Variants in SIPA1L2 observed in about 807,000 individuals in gnomAD.
The protein encoded by SIPA1L2 is signal-induced proliferation-associated 1-like protein 2.
Under a neutral mutation model 163.9 loss-of-function variants are expected in SIPA1L2, and 56 were observed. That is an observed-to-expected ratio of 0.34 (90% confidence interval 0.28 to 0.43). The LOEUF (loss-of-function observed/expected upper bound fraction) is 0.43. Ranked by LOEUF, SIPA1L2 falls within the 20% of genes least tolerant of loss-of-function variation. The pLI, the probability that SIPA1L2 is intolerant of heterozygous loss-of-function variation, is 1.00. For missense variants in SIPA1L2, 1,974 were observed against 2,193.5 expected (o/e 0.90, Z 2.00); for synonymous variants, 877 against 865.7 (o/e 1.01, Z -0.23).
At chr1:232,483,756 A>C in intron 6 of SIPA1L2, 36 bp downstream of exon 6, 1 of 1,611,128 alleles carries the variant, frequency 6.2e-7, no homozygotes, top group Non-Finnish European at 8.5e-7. Context: ...CCTTTGGAGA[A>C]TTAAAAATGT....
intron 1 of SIPA1L2, among the ~76,000 whole-genome samples, chr1:232,596,649 TTAAA>T (rs946069708): frequency 1.2e-4 from 18 of 152,356 alleles, no homozygotes; most frequent in African/African-American, 1.7e-4. Context: ...GCTCCTTGAA[TTAAA>T]TAAATACTCT....
intron 16 of SIPA1L2, among the ~76,000 whole-genome samples, chr1:232,428,768 G>A (rs1420604849): frequency 6.6e-6 from 1 of 152,114 alleles, no homozygotes; most frequent in African/African-American, 2.4e-5. Flanking sequence ...AAAGTTAGAT[G>A]TCTGAATAAT....
At chr1:232,599,266 C>G (rs1222224881) in intron 1 of SIPA1L2, among the ~76,000 whole-genome samples, 1 of 152,180 alleles carries the variant, frequency 6.6e-6, no homozygotes, top group Admixed American at 6.5e-5. Flanking sequence ...GCAAATACCA[C>G]CCACTCTGCC....
intron 14 of SIPA1L2, among the ~76,000 whole-genome samples, 170 bp from the exon 15 acceptor site, chr1:232,439,666 C>T (rs972730316): frequency 1.3e-5 from 2 of 152,160 alleles, no homozygotes; most frequent in African/African-American, 4.8e-5. Context: ...TGGTTTTGTG[C>T]AGAAGTCTCT....
intron 10 of SIPA1L2, among the ~76,000 whole-genome samples, chr1:232,457,292 G>A (rs966106625): frequency 1.3e-5 from 2 of 152,160 alleles, no homozygotes; most frequent in African/African-American, 2.4e-5. Context: ...AGGAGGAGCT[G>A]GGCTCCCATG....
chr1:232,628,402 T>C (rs1663193609), intron 1 of SIPA1L2, among the ~76,000 whole-genome samples: 1 of 152,342 alleles, frequency 6.6e-6, no homozygotes, highest in Admixed American at 6.5e-5. Flanking sequence ...TACTCTCTTA[T>C]AACTCTGAAT....
chr1:232,435,113 G>A lies in SIPA1L2; in HGVS notation c.4032-2642C>T, dbSNP rs562003995. Among the ~76,000 whole-genome samples the A allele has an allele frequency of 3.3e-5, 5 of 152,084 alleles. No individual in the cohort carries two copies. The East Asian group carries it at 5.8e-4, about 18-fold the overall frequency. On this transcript the variant is annotated intron_variant, in intron 15 of 22. Coordinates refer to ENST00000674635, the MANE Select transcript of SIPA1L2 (RefSeq NM_020808.5). ...CCTTGGATGATCCCCGAGATGTTTCGTTGTTAAAGGCTGGGGCACTCAAAG... is the reference window on the plus strand; with the variant it reads ...CCTTGGATGATCCCCGAGATGTTTCATTGTTAAAGGCTGGGGCACTCAAAG...
chr1:232,461,189 G>A lies in SIPA1L2; in HGVS notation c.2821-28C>T, dbSNP rs769121672. The A allele has an allele frequency of 1.9e-6, 3 of 1,600,378 alleles. No individual in the cohort carries two copies. The African/African-American group carries it at 4.0e-5, about 21-fold the overall frequency. ...AAGGGGGAAGGAGACTGTTAGAGATGCCCTTCCTGCCCAAGCTGCCATGGG... is the reference window on the plus strand; with the variant it reads ...AAGGGGGAAGGAGACTGTTAGAGATACCCTTCCTGCCCAAGCTGCCATGGG... On this transcript the variant is annotated intron_variant, in intron 9 of 22. Coordinates refer to ENST00000674635, the MANE Select transcript of SIPA1L2 (RefSeq NM_020808.5).
chr1:232,557,773 C>A (rs1436716531), intron 2 of SIPA1L2, among the ~76,000 whole-genome samples: 3 of 152,204 alleles, frequency 2.0e-5, no homozygotes, highest in Non-Finnish European at 4.4e-5. Context: ...GGTATTGTCT[C>A]ACCCTGCCTA....
At chr1:232,543,760 T>C (rs559935103) in intron 2 of SIPA1L2, among the ~76,000 whole-genome samples, 24 of 152,220 alleles carry the variant, frequency 1.6e-4, no homozygotes, top group African/African-American at 5.1e-4. Context: ...TCCTAGCTAC[T>C]TGGGAGGCTG....
intron 19 of SIPA1L2, among the ~76,000 whole-genome samples, chr1:232,407,853 C>G (rs1156251433): frequency 6.6e-6 from 1 of 152,200 alleles, no homozygotes; most frequent in East Asian, 1.9e-4. Flanking sequence ...TTCTGATATT[C>G]TGATGAATGA....
chr1:232,565,721 TTCTC>T (rs1558272411), intron 2 of SIPA1L2, among the ~76,000 whole-genome samples: 1 of 152,198 alleles, frequency 6.6e-6, no homozygotes, highest in African/African-American at 2.4e-5. Context: ...CTCTATTCCT[TTCTC>T]TCTCTAAACA....
chr1:232,497,323 C>T (rs561304574), intron 3 of SIPA1L2, among the ~76,000 whole-genome samples: 6 of 152,120 alleles, frequency 3.9e-5, no homozygotes, highest in African/African-American at 1.4e-4. Flanking sequence ...ATAAAATATA[C>T]CTTCAGTTTT....
At chr1:232,629,589 G>C (rs562820416) in intron 1 of SIPA1L2, among the ~76,000 whole-genome samples, 2 of 152,228 alleles carry the variant, frequency 1.3e-5, no homozygotes, top group Non-Finnish European at 2.9e-5. Context: ...CTGTGTCGCC[G>C]AGACGGGAAT....
chr1:232,521,358 T>C (rs541243092), intron 2 of SIPA1L2, among the ~76,000 whole-genome samples: 41 of 152,322 alleles, frequency 2.7e-4, no homozygotes, highest in African/African-American at 5.5e-4. Context: ...AATTTTTTCA[T>C]TGGAGTAAAG....
chr1:232,609,829 C>CAAAAAAAAAAAAAAAA (rs71173228), intron 1 of SIPA1L2, among the ~76,000 whole-genome samples: 1 of 102,340 alleles, frequency 9.8e-6, no homozygotes, highest in South Asian at 3.1e-4. Context: ...GACTCCATCT[C>CAAAAAAAAAAAAAAAA]AAAAAAAAAA....
chr1:232,415,796 GAGTC>G lies in SIPA1L2; in HGVS notation c.4631-175_4631-172del, dbSNP rs780384929. ...AACACGGGCACCACTGTCCCTCCCA[GAGTC>G]AGTCAGTCAGAACACGGGCACCACT... On this transcript the variant is annotated intron_variant, in intron 18 of 22. Transcript: ENST00000674635. The G allele has an allele frequency of 1.6e-4, 103 of 645,738 alleles. No homozygotes were observed. The African/African-American group carries it at 2.1e-3, about 13-fold the overall frequency. 40.0% of individuals were successfully genotyped at this position (645,738 alleles called of 1,614,324 possible).
At position 232,501,050 on chromosome 1, in the gene SIPA1L2, AT is replaced by A. The variant is rs60008360; in HGVS notation, c.1484-7391del. On this transcript the variant is annotated intron_variant, in intron 3 of 22. Coordinates refer to ENST00000674635, the MANE Select transcript of SIPA1L2 (RefSeq NM_020808.5). ...TGTTAGCACTTTTTAGCAATGAAGT[AT>A]TTTTTTTTTTTTTTTTTTTTTTGTG... Among the ~76,000 whole-genome samples the A allele has an allele frequency of 1.5e-3, 120 of 78,436 alleles. 2 individuals carry two copies. The highest frequency in any genetic ancestry group is 2.7e-3 in the Admixed American group (13 of 4,870). 51.5% of individuals were successfully genotyped at this position (78,436 alleles called of 152,430 possible).
At chr1:232,599,062 A>G (rs549391538) in intron 1 of SIPA1L2, among the ~76,000 whole-genome samples, 1 of 152,308 alleles carries the variant, frequency 6.6e-6, no homozygotes, top group African/African-American at 2.4e-5. Flanking sequence ...TTTCCTTCAT[A>G]ACCCCAAATC....
Sources: gnomAD v4.1 joint callset for allele counts (sites outside exome capture counted in the v4.1 genomes callset) on GRCh38, gnomAD v4.1.1 for gene constraint, MANE v1.5 for transcripts, NCBI Gene and HGNC (gene_info 2026-07-23, HGNC 2026-07-21) for gene names.